The following DLC1 variants were observed in gnomAD, a reference collection of about 807,000 sequenced individuals.
DLC1 encodes the protein DLC1 Rho GTPase activating protein, also known as rho GTPase-activating protein 7.
A neutral mutation model predicts 140.3 loss-of-function variants in DLC1; 54 were observed. The observed-to-expected ratio is 0.38, with a 90% CI of 0.31 to 0.48. The LOEUF is 0.48. DLC1 is among the 20% of genes least tolerant of loss of function. DLC1 has a pLI of 0.96. For missense variants in DLC1, 2,536 were observed against 1,907.0 expected (o/e 1.33, Z -6.14); for synonymous variants, 986 against 728.1 (o/e 1.35, Z -5.70).
intron 2 of DLC1, among the ~76,000 whole-genome samples, chr8:13,443,705 T>C (rs1328278150): frequency 6.8e-6 from 1 of 146,094 alleles, no homozygotes; most frequent in African/African-American, 2.5e-5. Context: ...AGAAAAATAA[T>C]TAGGGAAGCA....
intron 1 of DLC1, among the ~76,000 whole-genome samples, chr8:13,569,975 C>G (rs1172124398): frequency 6.6e-6 from 1 of 152,220 alleles, no homozygotes; most frequent in Non-Finnish European, 1.5e-5. Flanking sequence ...ATCCTCCTGT[C>G]TCAGCCTTCC....
At chr8:13,353,989 T>A (rs1402985544) in intron 4 of DLC1, among the ~76,000 whole-genome samples, 1 of 152,156 alleles carries the variant, frequency 6.6e-6, no homozygotes, top group East Asian at 1.9e-4. Flanking sequence ...GTGGGTCCAC[T>A]GACTTTCTTC....
chr8:13,445,121 G>A (rs879425478), intron 2 of DLC1, among the ~76,000 whole-genome samples: 2 of 152,156 alleles, frequency 1.3e-5, no homozygotes, highest in South Asian at 4.2e-4. Context: ...GTGACAAAGA[G>A]GGCGAAAGGA....
intron 4 of DLC1, among the ~76,000 whole-genome samples, chr8:13,358,198 C>G (rs559442754): frequency 1.8e-4 from 28 of 152,272 alleles, no homozygotes; most frequent in African/African-American, 6.7e-4. Context: ...ACTTAATTAA[C>G]TAAAACCAAT....
chr8:13,259,881 A>C (rs927810686), intron 5 of DLC1, among the ~76,000 whole-genome samples: 3 of 152,216 alleles, frequency 2.0e-5, no homozygotes, highest in Admixed American at 6.5e-5. Context: ...ATAGAAATAA[A>C]AATAAGCATG....
chr8:13,316,861 A>G (rs575070338), intron 4 of DLC1, among the ~76,000 whole-genome samples: 17 of 152,270 alleles, frequency 1.1e-4, no homozygotes, highest in African/African-American at 3.8e-4. Context: ...TAGTCCCTGT[A>G]TAACTAATCC....
chr8:13,286,727 T>TAGAAAAAAAAAAAAAAAAA (rs1831547536), intron 5 of DLC1, among the ~76,000 whole-genome samples: 1 of 88,928 alleles, frequency 1.1e-5, no homozygotes, highest in Non-Finnish European at 2.4e-5. Flanking sequence ...GGAAAAAAAA[T>TAGAAAAAAAAAAAAAAAAA]AGAAAAAAAA....
At chr8:13,515,137 C>G (rs892904111), upstream of DLC1, among the ~76,000 whole-genome samples, 1 of 152,206 alleles carries the variant, frequency 6.6e-6, no homozygotes. Context: ...AGTTTTCTCT[C>G]TATCCACAAC....
chr8:13,496,764 T>A (rs3943252), intron 2 of DLC1, among the ~76,000 whole-genome samples: 135,119 of 141,334 alleles, frequency 0.96, 64,662 homozygotes, highest in East Asian at 1. Flanking sequence ...GATAAATAAT[T>A]AACAAATTCT....
chr8:13,429,078 A>G (rs888087736), intron 2 of DLC1, among the ~76,000 whole-genome samples: 3 of 152,238 alleles, frequency 2.0e-5, no homozygotes, highest in African/African-American at 7.2e-5. Context: ...AAAGGGATGA[A>G]CAAAACATGA....
intron 5 of DLC1, among the ~76,000 whole-genome samples, chr8:13,132,084 CCT>C (rs1339378058): frequency 6.6e-6 from 1 of 152,146 alleles, no homozygotes; most frequent in Admixed American, 6.5e-5. Flanking sequence ...GAGCTTCCTT[CCT>C]CTCTCCGGCC....
intron 2 of DLC1, among the ~76,000 whole-genome samples, chr8:13,425,950 C>A (rs763763489): frequency 6.6e-6 from 1 of 151,972 alleles, no homozygotes; most frequent in Non-Finnish European, 1.5e-5. Context: ...GTAGGTGGTA[C>A]CACAGGCATG....
At chr8:13,232,802 A>G (rs527288243) in intron 5 of DLC1, among the ~76,000 whole-genome samples, 153 of 152,374 alleles carry the variant, frequency 1.0e-3, no homozygotes, top group Non-Finnish European at 1.9e-3. Flanking sequence ...CCATGAAAAT[A>G]TCCTATAGTC....
chr8:13,116,150 T>C (rs917996267), intron 5 of DLC1: 7 of 986,454 alleles, frequency 7.1e-6, no homozygotes, highest in Non-Finnish European at 8.4e-6. Flanking sequence ...CCTGACCTTG[T>C]GTTGTTTCAC....
At chr8:13,344,493 C>CA (rs1563269127) in intron 4 of DLC1, among the ~76,000 whole-genome samples, 1 of 152,120 alleles carries the variant, frequency 6.6e-6, no homozygotes, top group African/African-American at 2.4e-5. Context: ...AACTCCATCT[C>CA]AAAAAAACAA....
chr8:13,209,900 C>T (rs1371351559), intron 5 of DLC1, among the ~76,000 whole-genome samples: 3 of 152,016 alleles, frequency 2.0e-5, no homozygotes, highest in African/African-American at 7.2e-5. Context: ...TGCAAATTAC[C>T]CAGTTTCAGG....
intron 5 of DLC1, among the ~76,000 whole-genome samples, chr8:13,265,976 T>A (rs1830672606): frequency 6.6e-6 from 1 of 152,208 alleles, no homozygotes; most frequent in Non-Finnish European, 1.5e-5. Context: ...CCTCTATGTT[T>A]ATCTTCAGTT....
intron 2 of DLC1, among the ~76,000 whole-genome samples, chr8:13,445,928 A>G (rs1427787294): frequency 6.6e-6 from 1 of 152,154 alleles, no homozygotes; most frequent in Non-Finnish European, 1.5e-5. Context: ...TTCATCTTTA[A>G]GGAAAAAACT....
chr8:13,516,384 T>C (rs947451108), upstream of DLC1, among the ~76,000 whole-genome samples: 8 of 152,222 alleles, frequency 5.3e-5, no homozygotes, highest in Non-Finnish European at 1.2e-4. Context: ...ACTGTTATTC[T>C]CCATCCCTGT....
Sources: allele counts gnomAD v4.1 joint callset (sites outside exome capture counted in the v4.1 genomes callset), GRCh38; gene constraint gnomAD v4.1.1; transcripts MANE v1.5; gene names NCBI Gene and HGNC (gene_info 2026-07-23, HGNC 2026-07-21).